Variants in EFHB observed in about 807,000 individuals in gnomAD.
EFHB encodes the protein EF-hand domain-containing family member B.
Under a neutral mutation model 87.2 loss-of-function variants are expected in EFHB, and 91 were observed. The ratio of observed to expected loss-of-function variants is 1.04; its 90% CI spans 0.88 to 1.24. The LOEUF (loss-of-function observed/expected upper bound fraction) is 1.24. Ranked by LOEUF, EFHB falls within the 50% of genes most tolerant of loss-of-function variation. EFHB has a pLI of 0.00. For synonymous variants in EFHB, 325 were observed against 333.6 expected, an observed-to-expected ratio of 0.97 and a Z score of 0.28; for missense variants, 1,084 against 998.8, an observed-to-expected ratio of 1.09 and a Z score of -1.15.
At chr3:19,919,213 T>C (rs1258540510) in intron 3 of EFHB, among the ~76,000 whole-genome samples, 1 of 152,030 alleles carries the variant, frequency 6.6e-6, no homozygotes, top group Non-Finnish European at 1.5e-5. Context: ...TTGTTTGTTT[T>C]TGAGATGGAG....
In EFHB at chr3:19,933,237, C is replaced by T; in HGVS notation, c.782G>A (p.Trp261Ter). 2 of 1,611,686 alleles carry T rather than the reference C, an allele frequency of 1.2e-6. 1 individual carries two copies. Among genetic ancestry groups the T allele is most frequent in the South Asian group, 2.2e-5 (2 of 90,962 alleles). Residue 261 changes from tryptophan (W) to a stop codon, truncating the protein, a stop_gained, in exon 1 of 13, where the codon TGG becomes TAG. Coordinates refer to ENST00000295824, the MANE Select transcript of EFHB (RefSeq NM_144715.4). LOFTEE classifies it high-confidence loss of function. The part of the protein sequence containing the change: ...SGKFFDRTPC[W>*]PSAGKVIPVG... Reference sequence around the variant, plus strand: ...AAGTGGAAAAAAACTTACACTTGGCCAGCAAGGGGTCCGATCAAAAAACTT... The same window carrying T: ...AAGTGGAAAAAAACTTACACTTGGCTAGCAAGGGGTCCGATCAAAAAACTT...
rs770836608 is a variant in EFHB, at chr3:19,933,709, GAGA to G, written c.307_309del (p.Ser103del). The G allele has an allele frequency of 4.6e-5, 75 of 1,613,976 alleles. No individual in the cohort carries two copies. The highest frequency in any genetic ancestry group is 5.9e-5 in the Non-Finnish European group (70 of 1,179,884). ...TCTAACCCCATTCTTCCTGGCAACA[GAGA>G]AGGTTTTGTTCCCTGTGAAGCTGAG... On this transcript the variant is annotated inframe_deletion, in exon 1 of 13. Transcript: ENST00000295824.
intron 9 of EFHB, among the ~76,000 whole-genome samples, chr3:19,895,323 T>C (rs1694443611): frequency 1.3e-5 from 2 of 151,304 alleles, no homozygotes; most frequent in South Asian, 4.2e-4. Flanking sequence ...GTACTAAAAG[T>C]ACAAAAAAAT....
In EFHB at chr3:19,933,788, CTG is replaced by C; in HGVS notation, c.229_230del (p.Gln77GlufsTer4). ...TCTGCATGACAGTCCTAGAAATATT[CTG>C]TCTTTCTAATCCCATTTCAAGCCCC... ...SKGLEMGLER[Q>X]NISRTVMQRG... On this transcript the variant is annotated frameshift_variant, in exon 1 of 13. Transcript: ENST00000295824. LOFTEE classifies it high-confidence loss of function. The C allele has an allele frequency of 6.2e-7, 1 of 1,613,992 alleles. No homozygotes were observed. The highest frequency in any genetic ancestry group is 8.5e-7 in the Non-Finnish European group (1 of 1,179,890).
chr3:19,888,637 C>T lies in EFHB; in HGVS notation c.1740G>A (p.Met580Ile). 6.2e-7 allele frequency: 1 copy of T among 1,605,510 alleles called. No individual in the cohort carries two copies. The change falls in exon 10 of 13, where the codon ATG becomes ATA. Residue 580 changes from methionine to isoleucine, a missense_variant. Met to Ile is a conservative substitution (Grantham distance 10). Coordinates refer to ENST00000295824, the MANE Select transcript of EFHB (RefSeq NM_144715.4). ...FRHYDKKGDGMIDKDELQEAC... is the reference protein window; with the variant it reads ...FRHYDKKGDGIIDKDELQEAC... ...CTTCCTGCAGCTCGTCTTTATCTAT[C>T]ATCCCATCTCCCTTCTGTTATACAG...
intron 1 of EFHB, among the ~76,000 whole-genome samples, chr3:19,939,635 C>T (rs940977637): frequency 6.6e-6 from 1 of 152,022 alleles, no homozygotes; most frequent in South Asian, 2.1e-4. Context: ...CCGCCCGCCT[C>T]GACCTCCCAG....
chr3:19,894,579 T>A (rs1694409698), intron 9 of EFHB: 1 of 152,190 alleles, frequency 6.6e-6, no homozygotes, highest in Non-Finnish European at 1.5e-5. Context: ...ATATAAGATT[T>A]AAATAATCAA....
At chr3:19,901,575 G>C (rs77458763) in intron 6 of EFHB, among the ~76,000 whole-genome samples, 9,587 of 152,216 alleles carry the variant, frequency 0.063, 955 homozygotes, top group African/African-American at 0.21. Context: ...TTGTTGGCGG[G>C]GGGGAAGAAT....
intron 6 of EFHB, among the ~76,000 whole-genome samples, chr3:19,901,574 G>A (rs542268507): frequency 6.6e-6 from 1 of 152,232 alleles, no homozygotes; most frequent in African/African-American, 2.4e-5. Context: ...TTTGTTGGCG[G>A]GGGGGAAGAA....
At chr3:19,926,627 T>G (rs986008628) in intron 1 of EFHB, among the ~76,000 whole-genome samples, 1 of 151,822 alleles carries the variant, frequency 6.6e-6, no homozygotes, top group African/African-American at 2.4e-5. Context: ...CCCAAAGTGC[T>G]GGGATTACAG....
At chr3:19,890,782 T>C (rs1343696165) in intron 9 of EFHB, among the ~76,000 whole-genome samples, 1 of 152,164 alleles carries the variant, frequency 6.6e-6, no homozygotes, top group Non-Finnish European at 1.5e-5. Context: ...TTAGGACTTA[T>C]TGCCTCCCTA....
Position 19,934,055 on chromosome 3 carries a change from C to T in EFHB, c.-37G>A, listed in dbSNP as rs1430877938. 1.3e-6 allele frequency: 2 copies of T among 1,549,798 alleles called. No individual in the cohort carries two copies. Among genetic ancestry groups the T allele is most frequent in the Non-Finnish European group, 1.7e-6 (2 of 1,148,078 alleles). On this transcript the variant is annotated 5_prime_UTR_variant, in exon 1 of 13. Coordinates refer to ENST00000295824, the MANE Select transcript of EFHB (RefSeq NM_144715.4). ...CCCCATTCTCATTTCTCCAAGAGCG[C>T]TCATCTCTAAGGGGAAAGCTGTACC...
chr3:19,926,106 T>G (rs1343349238), intron 1 of EFHB, among the ~76,000 whole-genome samples: 1 of 152,174 alleles, frequency 6.6e-6, no homozygotes, highest in African/African-American at 2.4e-5. Flanking sequence ...TCCCACAAGA[T>G]TTATTAACAG....
intron 9 of EFHB, among the ~76,000 whole-genome samples, chr3:19,892,299 T>C (rs1312431541): frequency 6.6e-6 from 1 of 152,232 alleles, no homozygotes; most frequent in Non-Finnish European, 1.5e-5. Flanking sequence ...TGCATTGGAA[T>C]GGCCTTCTCA....
rs377579546 is a variant in EFHB, at chr3:19,899,510, C to T, written c.1424G>A (p.Arg475Lys). The change falls in exon 7 of 13, where the codon AGA becomes AAA. Residue 475 changes from arginine (R) to lysine (K), a missense_variant. Coordinates refer to ENST00000295824, the MANE Select transcript of EFHB (RefSeq NM_144715.4). The stretch of plus-strand genomic sequence containing the variant: ...TCTTTTGGATACAAACTTAGCTCCT[C>T]TTTTCCTGCAAAATTAGAACATTAT... ...LYWLHELQMK[R>K]GAKFVSKRAD... is the part of the protein sequence containing the mutation. 7.6e-5 allele frequency: 122 copies of T among 1,596,668 alleles called. No individual in the cohort carries two copies. Among genetic ancestry groups the T allele is most frequent in the Non-Finnish European group, 1.0e-4 (120 of 1,173,852 alleles).
chr3:19,918,628 G>T (rs1695321207), intron 3 of EFHB, among the ~76,000 whole-genome samples: 1 of 152,060 alleles, frequency 6.6e-6, no homozygotes, highest in Non-Finnish European at 1.5e-5. Context: ...AAAGGTTTCA[G>T]TGATACTAAA....
intron 11 of EFHB, 123 bp from the exon 12 acceptor site, chr3:19,882,854 C>T: frequency 3.8e-6 from 3 of 790,588 alleles, no homozygotes; most frequent in East Asian, 6.1e-5. Flanking sequence ...TGGTGTATTC[C>T]AAATGTAAAA....
rs1316174803 is a variant in EFHB at position 19,908,592 on chromosome 3, GAGAGAGAGAAAGAAAGAAAGAA to G, written c.1289-2865_1289-2844del. ...AGAGAGAGAGAGAGAGAGAGAGAGAGAGAGAGAGAAAGAAAGAAAGAAAGAAAGAAAGAAAGAAAGAAAGAAA... is the reference window on the plus strand; with the variant it reads ...AGAGAGAGAGAGAGAGAGAGAGAGAGAGAAAGAAAGAAAGAAAGAAAGAAA... On this transcript the variant is annotated intron_variant, in intron 5 of 12. Coordinates refer to ENST00000295824, the MANE Select transcript of EFHB (RefSeq NM_144715.4). 4.6e-5 allele frequency among the ~76,000 whole-genome samples: 5 copies of G among 109,410 alleles called. No individual in the cohort carries two copies. The East Asian group carries it at 6.5e-4, about 14-fold the overall frequency. 71.8% of individuals were successfully genotyped at this position (109,410 alleles called of 152,430 possible). A position where few individuals can be genotyped will look rare whatever the true frequency, so the allele number is the denominator to read the frequency against.
chr3:19,879,629 T>C lies in EFHB; in HGVS notation c.*2A>G. 1 of 1,551,444 alleles carries C rather than the reference T, an allele frequency of 6.4e-7. No homozygotes were observed. The highest frequency in any genetic ancestry group is 8.7e-7 in the Non-Finnish European group (1 of 1,151,802). On this transcript the variant is annotated 3_prime_UTR_variant, in exon 13 of 13. Coordinates refer to ENST00000295824, the MANE Select transcript of EFHB (RefSeq NM_144715.4). ...TGCTTGAATGAATGAAGTCCAAAAA[T>C]ATCACATGAGTGTTTTACACTTGAT...
Sources: allele counts gnomAD v4.1 joint callset (sites outside exome capture counted in the v4.1 genomes callset), GRCh38; gene constraint gnomAD v4.1.1; transcripts MANE v1.5; gene names NCBI Gene and HGNC (gene_info 2026-07-23, HGNC 2026-07-21).